BRAF: variants seen among roughly 807,000 people sequenced by gnomAD.
The protein encoded by BRAF is serine/threonine-protein kinase B-raf.
BRAF carries 16 observed loss-of-function variants against 104.6 expected under a neutral mutation model. The ratio of observed to expected loss-of-function variants is 0.15; its 90% confidence interval spans 0.10 to 0.23. The LOEUF (loss-of-function observed/expected upper bound fraction) is 0.23. BRAF is among the 10% of genes least tolerant of loss of function. The pLI is 1.00. For synonymous variants in BRAF, 310 were observed against 341.6 expected, an observed-to-expected ratio of 0.91 and a Z score of 1.02; for missense variants, 541 against 937.3, an observed-to-expected ratio of 0.58 and a Z score of 5.52.
chr7:140,723,264 C>T lies in BRAF; in HGVS notation c.*3230G>A, dbSNP rs919677977. Reference sequence around the variant, plus strand: ...CATCCTGTGATGAAAGTGCTGTCACCGCACCAAACCAGAAGCTAGGAAATA... The same window carrying T: ...CATCCTGTGATGAAAGTGCTGTCACTGCACCAAACCAGAAGCTAGGAAATA... On this transcript the variant is annotated 3_prime_UTR_variant, in exon 20 of 20. Transcript: ENST00000644969. 39 of 1,056,036 alleles carry T rather than the reference C, an allele frequency of 3.7e-5. No homozygotes were observed. Among genetic ancestry groups the T allele is most frequent in the Middle Eastern group, 8.5e-4 (2 of 2,354 alleles). The allele number at this position is 1,056,036 out of a possible 1,614,324, so 65.4% of individuals were successfully genotyped here. A position where few individuals can be genotyped will look rare whatever the true frequency, so the allele number is the denominator to read the frequency against.
chr7:140,722,909 AT>A lies in BRAF; in HGVS notation c.*3584del. ...AACATTCAGATATTCCGAGCAACACATTTTTTTACAGTATTACTGCTTAAAT... is the reference window on the plus strand; with the variant it reads ...AACATTCAGATATTCCGAGCAACACATTTTTTACAGTATTACTGCTTAAAT... On this transcript the variant is annotated 3_prime_UTR_variant, in exon 20 of 20. Transcript: ENST00000644969. 1 of 1,055,566 alleles carries A rather than the reference AT, an allele frequency of 9.5e-7. No homozygotes were observed. Among genetic ancestry groups the A allele is most frequent in the Non-Finnish European group, 1.1e-6 (1 of 873,202 alleles). The allele number at this position is 1,055,566 out of a possible 1,614,324, so 65.4% of individuals were successfully genotyped here.
intron 1 of BRAF, among the ~76,000 whole-genome samples, chr7:140,902,207 T>G (rs1056437658): frequency 6.6e-6 from 1 of 152,244 alleles, no homozygotes; most frequent in Non-Finnish European, 1.5e-5. Context: ...ATTCTCATAG[T>G]ATTTCAAACT....
At chr7:140,767,394 G>A (rs1000822692) in intron 14 of BRAF, among the ~76,000 whole-genome samples, 3 of 152,178 alleles carry the variant, frequency 2.0e-5, no homozygotes, top group African/African-American at 7.2e-5. Context: ...ATGTCTCTGG[G>A]TAGGGGTAAG....
chr7:140,839,187 G>A (rs1030800390), intron 2 of BRAF, among the ~76,000 whole-genome samples: 10 of 152,088 alleles, frequency 6.6e-5, no homozygotes, highest in East Asian at 1.9e-4. Context: ...AAACTAACTC[G>A]AAATAGGCCA....
intron 19 of BRAF, among the ~76,000 whole-genome samples, chr7:140,729,804 G>A (rs188915199): frequency 6.6e-6 from 1 of 151,988 alleles, no homozygotes; most frequent in Non-Finnish European, 1.5e-5. Flanking sequence ...CCAGGGTGTG[G>A]TGGTACTGCA....
intron 1 of BRAF, among the ~76,000 whole-genome samples, chr7:140,852,237 T>C (rs1024350024): frequency 1.3e-5 from 2 of 151,698 alleles, no homozygotes; most frequent in African/African-American, 4.8e-5. Flanking sequence ...GGCATGGTGG[T>C]GCATGCCTGT....
rs1379496401 is a variant in BRAF at position 140,721,354 on chromosome 7, C to T, written c.*5140G>A. ...AAGATTTTAGGAGTTGGGTTTCTGTCCTTTTCCACATTAAAAATACCTGAT... is the reference window on the plus strand; with the variant it reads ...AAGATTTTAGGAGTTGGGTTTCTGTTCTTTTCCACATTAAAAATACCTGAT... On this transcript the variant is annotated 3_prime_UTR_variant, in exon 20 of 20. Coordinates refer to ENST00000644969, the MANE Select transcript of BRAF (RefSeq NM_001374258.1). The T allele has an allele frequency of 8.2e-7, 1 of 1,213,484 alleles. No individual in the cohort carries two copies. Among genetic ancestry groups the T allele is most frequent in the Non-Finnish European group, 1.0e-6 (1 of 977,316 alleles). 75.2% of individuals were successfully genotyped at this position (1,213,484 alleles called of 1,614,324 possible).
At chr7:140,813,321 A>C (rs1482019037) in intron 3 of BRAF, among the ~76,000 whole-genome samples, 4 of 152,174 alleles carry the variant, frequency 2.6e-5, no homozygotes, top group African/African-American at 9.7e-5. Context: ...GAGGAAAGCA[A>C]ACCCAAACTA....
At chr7:140,774,740 C>G (rs747148851) in intron 14 of BRAF, among the ~76,000 whole-genome samples, 5 of 152,162 alleles carry the variant, frequency 3.3e-5, no homozygotes, top group Non-Finnish European at 5.9e-5. Flanking sequence ...TGGTCTTGAA[C>G]TCTTAGGCTC....
At chr7:140,847,892 T>C (rs1394498605) in intron 2 of BRAF, among the ~76,000 whole-genome samples, 2 of 152,150 alleles carry the variant, frequency 1.3e-5, no homozygotes, top group Non-Finnish European at 2.9e-5. Context: ...TGTGTGTGTA[T>C]GTACATGTGT....
chr7:140,764,416 C>G (rs1440188549), intron 14 of BRAF, among the ~76,000 whole-genome samples: 3 of 150,430 alleles, frequency 2.0e-5, no homozygotes, highest in Non-Finnish European at 4.4e-5. Flanking sequence ...CTCACCACTC[C>G]TATTCAACAT....
chr7:140,818,078 T>C (rs1340583906), intron 3 of BRAF, among the ~76,000 whole-genome samples: 1 of 151,932 alleles, frequency 6.6e-6, no homozygotes, highest in African/African-American at 2.4e-5. Context: ...ATATATATAA[T>C]AAAATACAAA....
At chr7:140,735,703 C>T (rs1039000321) in intron 18 of BRAF, among the ~76,000 whole-genome samples, 10 of 150,868 alleles carry the variant, frequency 6.6e-5, no homozygotes, top group African/African-American at 1.5e-4. Context: ...ATTACAGGAG[C>T]GCACCACCAT....
At chr7:140,863,666 T>A (rs1279049162) in intron 1 of BRAF, among the ~76,000 whole-genome samples, 2 of 152,170 alleles carry the variant, frequency 1.3e-5, no homozygotes, top group Non-Finnish European at 2.9e-5. Flanking sequence ...TTTAGCACCA[T>A]CCTCTTGATG....
intron 17 of BRAF, among the ~76,000 whole-genome samples, chr7:140,745,237 C>A (rs62487904): frequency 0.057 from 8,597 of 152,054 alleles, 290 homozygotes; most frequent in South Asian, 0.11. Flanking sequence ...AAATTACATT[C>A]TTTGCAATTA....
intron 3 of BRAF, among the ~76,000 whole-genome samples, chr7:140,826,947 T>C (rs1408875794): frequency 4.6e-5 from 7 of 152,336 alleles, no homozygotes; most frequent in South Asian, 2.1e-4. Flanking sequence ...TCTTGTACAG[T>C]GTGGAATAAT....
At chr7:140,814,844 A>C (rs896440436) in intron 3 of BRAF, among the ~76,000 whole-genome samples, 7 of 146,636 alleles carry the variant, frequency 4.8e-5, no homozygotes, top group African/African-American at 1.5e-4. Flanking sequence ...TATATATAAA[A>C]GTTTCCATAG....
intron 1 of BRAF, among the ~76,000 whole-genome samples, chr7:140,872,442 TAAGAG>T (rs918212563): frequency 5.3e-5 from 8 of 151,950 alleles, no homozygotes; most frequent in African/African-American, 1.9e-4. Flanking sequence ...TACATACATC[TAAGAG>T]AAATTTTATG....
chr7:140,715,136 T>C (rs184232280), downstream of BRAF, among the ~76,000 whole-genome samples: 2 of 152,308 alleles, frequency 1.3e-5, no homozygotes, highest in Admixed American at 6.5e-5. Context: ...TATGGTATGA[T>C]AGGCTTTCCT....
Sources: gnomAD v4.1 joint callset for allele counts (sites outside exome capture counted in the v4.1 genomes callset) on GRCh38, gnomAD v4.1.1 for gene constraint, MANE v1.5 for transcripts, NCBI Gene and HGNC (gene_info 2026-07-23, HGNC 2026-07-21) for gene names.